Variants in CREBRF observed in about 807,000 individuals in gnomAD.
CREBRF encodes the protein UPF0474 protein C5orf41.
A neutral mutation model predicts 66.1 loss-of-function variants in CREBRF; 5 were observed. The observed-to-expected ratio is 0.08, with a 90% confidence interval of 0.04 to 0.16. The LOEUF (loss-of-function observed/expected upper bound fraction) is 0.16, where lower values mean the gene tolerates loss of function less well. Among genes scored for constraint, CREBRF ranks in the 10% least tolerant of loss-of-function variants. The pLI, the probability that CREBRF is intolerant of heterozygous loss-of-function variation, is 1.00. For synonymous variants in CREBRF, 229 were observed against 264.4 expected, an observed-to-expected ratio of 0.87 and a Z score of 1.30; for missense variants, 531 against 744.9, an observed-to-expected ratio of 0.71 and a Z score of 3.34.
At chr5:173,103,621 G>A (rs1241670731) in intron 4 of CREBRF, among the ~76,000 whole-genome samples, 1 of 152,186 alleles carries the variant, frequency 6.6e-6, no homozygotes, top group South Asian at 2.1e-4. Flanking sequence ...CAGTTCACGA[G>A]CCTACAAAGT....
intron 4 of CREBRF, among the ~76,000 whole-genome samples, chr5:173,108,323 C>T (rs1758795188): frequency 6.6e-6 from 1 of 152,024 alleles, no homozygotes; most frequent in Admixed American, 6.6e-5. Flanking sequence ...TAATTGTTCT[C>T]TTAATCCTGT....
At chr5:173,082,018 T>TTTTTTTTTGTTTG in intron 2 of CREBRF, among the ~76,000 whole-genome samples, 3 of 131,128 alleles carry the variant, frequency 2.3e-5, no homozygotes, top group Non-Finnish European at 3.3e-5. Flanking sequence ...TTTTTTTTTT[T>TTTTTTTTTGTTTG]TTTTTTTTTT....
At chr5:173,107,473 T>G (rs1478382506) in intron 4 of CREBRF, among the ~76,000 whole-genome samples, 6 of 152,202 alleles carry the variant, frequency 3.9e-5, no homozygotes, top group African/African-American at 1.4e-4. Flanking sequence ...AACTTCCTAT[T>G]AGGAAAATAC....
rs1561797975 is a variant in CREBRF at position 173,080,579 on chromosome 5, TGA to T, written c.-191-5_-191-4del. 1.8e-6 allele frequency: 1 copy of T among 559,174 alleles called. No individual in the cohort carries two copies. The highest frequency in any genetic ancestry group is 2.8e-5 in the East Asian group (1 of 35,504). The allele number at this position is 559,174 out of a possible 1,614,324, so 34.6% of individuals were successfully genotyped here. ...TTCAGTGAAGTTACTTTGTGTTGTT[TGA>T]CAGACAGCATCGCACAGAATTATTT... On this transcript the variant is annotated splice_region_variant and splice_polypyrimidine_tract_variant and intron_variant, in intron 1 of 8. Transcript: ENST00000296953.
At chr5:173,079,115 A>G (rs1581668717) in intron 1 of CREBRF, among the ~76,000 whole-genome samples, 1 of 152,226 alleles carries the variant, frequency 6.6e-6, no homozygotes, top group East Asian at 1.9e-4. Context: ...TTTGGCAGGA[A>G]CAGGGAGCAA....
chr5:173,095,601 A>C (rs1029428874), intron 4 of CREBRF, among the ~76,000 whole-genome samples: 1 of 152,132 alleles, frequency 6.6e-6, no homozygotes, highest in Admixed American at 6.5e-5. Flanking sequence ...GTGATTTCAT[A>C]TGAGTTTTAG....
At position 173,095,274 on chromosome 5, in the gene CREBRF, C is replaced by T. The variant is rs1169536163; in HGVS notation, c.1222+3873C>T. 4.7e-5 allele frequency among the ~76,000 whole-genome samples: 7 copies of T among 150,368 alleles called. No individual in the cohort carries two copies. In the East Asian group the frequency reaches 5.9e-4, roughly 13 times the overall value. On this transcript the variant is annotated intron_variant, in intron 4 of 8. Coordinates refer to ENST00000296953, the MANE Select transcript of CREBRF (RefSeq NM_153607.3). ...CCCGATCTTGGCTCACTGCAAGCTC[C>T]GCCTCCCAGGTTCACGCCATTCTCC...
In CREBRF at chr5:173,091,165, C is replaced by G. The variant is rs759837566; in HGVS notation, c.986C>G (p.Ser329Cys). ...GCCAGTACATCAGTCTCAGATTCAT[C>G]CCAGAAAAAAGAAGAGCACAATTAT... Reference protein sequence around the residue: ...LSASTSVSDSSQKKEEHNYSL... With the variant: ...LSASTSVSDSCQKKEEHNYSL... Residue 329 changes from serine (S) to cysteine (C), a missense_variant, in exon 4 of 9, where the codon TCC (serine) becomes TGC (cysteine). Around this residue, in one of 5 missense-constraint regions of CREBRF, gnomAD observed 309 missense variants for 341.4 expected, o/e 0.90. Coordinates refer to ENST00000296953, the MANE Select transcript of CREBRF (RefSeq NM_153607.3). 1.2e-6 allele frequency: 2 copies of G among 1,614,156 alleles called. No individual in the cohort carries two copies. Among genetic ancestry groups the G allele is most frequent in the East Asian group, 2.2e-5 (1 of 44,884 alleles).
At chr5:173,116,482 A>G (rs1430195571) in intron 7 of CREBRF, among the ~76,000 whole-genome samples, 1 of 152,214 alleles carries the variant, frequency 6.6e-6, no homozygotes, top group Non-Finnish European at 1.5e-5. Flanking sequence ...GAATCACAAT[A>G]TGTTTACATT....
intron 4 of CREBRF, among the ~76,000 whole-genome samples, chr5:173,102,142 A>G (rs180898749): frequency 9.9e-5 from 15 of 152,210 alleles, no homozygotes; most frequent in Admixed American, 2.6e-4. Flanking sequence ...TTGGTTGTCT[A>G]TGTTCTCTTG....
chr5:173,120,989 G>A (rs1323669934), intron 7 of CREBRF, among the ~76,000 whole-genome samples: 5 of 151,962 alleles, frequency 3.3e-5, no homozygotes, highest in South Asian at 2.1e-4. Context: ...CACCGCGTCC[G>A]GCCTTCCTGG....
chr5:173,126,364 C>T (rs946849016), intron 8 of CREBRF, among the ~76,000 whole-genome samples: 8 of 152,204 alleles, frequency 5.3e-5, no homozygotes, highest in African/African-American at 1.9e-4. Flanking sequence ...TAGTATCAAA[C>T]TCCTGACATC....
At chr5:173,080,336 T>G (rs1190698087) in intron 1 of CREBRF, among the ~76,000 whole-genome samples, 2 of 151,566 alleles carry the variant, frequency 1.3e-5, no homozygotes, top group African/African-American at 4.8e-5. Flanking sequence ...ATTTTGTGTT[T>G]TTTTTTTTTA....
intron 4 of CREBRF, among the ~76,000 whole-genome samples, chr5:173,100,473 G>A (rs952751671): frequency 1.3e-5 from 2 of 151,132 alleles, no homozygotes; most frequent in Admixed American, 6.6e-5. Context: ...CGCCCAGGCT[G>A]GAGTGCAGTG....
intron 8 of CREBRF, 53 bp from the exon 9 acceptor site, chr5:173,133,577 C>T: frequency 1.9e-6 from 2 of 1,060,124 alleles, no homozygotes; most frequent in African/African-American, 1.6e-5. Flanking sequence ...CTTCCCTTCC[C>T]TTCATGGCCT....
chr5:173,103,956 C>T (rs1758688920), intron 4 of CREBRF, among the ~76,000 whole-genome samples: 1 of 151,962 alleles, frequency 6.6e-6, no homozygotes, highest in Non-Finnish European at 1.5e-5. Flanking sequence ...TGATCTATCA[C>T]ATGAAAAGAA....
intron 1 of CREBRF, among the ~76,000 whole-genome samples, chr5:173,066,912 T>A (rs1409540941): frequency 3.3e-5 from 5 of 149,328 alleles, no homozygotes; most frequent in African/African-American, 1.2e-4. Context: ...CCTCCTGGGC[T>A]AGAGTGATCC....
At chr5:173,114,203 G>T (rs1193268347) in intron 7 of CREBRF, among the ~76,000 whole-genome samples, 1 of 152,146 alleles carries the variant, frequency 6.6e-6, no homozygotes, top group Non-Finnish European at 1.5e-5. Flanking sequence ...CTCAGTAAAT[G>T]AATTAGATAA....
chr5:173,116,079 G>C (rs1359731926), intron 7 of CREBRF, among the ~76,000 whole-genome samples: 1 of 152,186 alleles, frequency 6.6e-6, no homozygotes, highest in Non-Finnish European at 1.5e-5. Context: ...TGGGAGGATT[G>C]TTTGAGACTA....
Sources: gnomAD v4.1 joint callset for allele counts (sites outside exome capture counted in the v4.1 genomes callset) on GRCh38, gnomAD v4.1.1 for gene constraint, gnomAD v4.1.1 regional missense constraint, MANE v1.5 for transcripts, NCBI Gene and HGNC (gene_info 2026-07-23, HGNC 2026-07-21) for gene names.